The following YWHAE variants were observed in gnomAD, a reference collection of about 807,000 sequenced individuals.
The protein encoded by YWHAE is tyrosine 3-monooxygenase/tryptophan 5-monooxygenase activation protein epsilon.
A neutral mutation model predicts 30.1 loss-of-function variants in YWHAE; 4 were observed. The observed-to-expected ratio is 0.13, with a 90% CI of 0.07 to 0.30. The LOEUF is 0.30. YWHAE is among the 10% of genes least tolerant of loss of function. The probability of loss-of-function intolerance (pLI) is 1.00; values close to 1 mark genes in which losing one functional copy is unlikely to be tolerated. For missense variants in YWHAE, 121 were observed against 315.9 expected, an observed-to-expected ratio of 0.38 and a Z score of 4.68; for synonymous variants, 118 against 111.8, an observed-to-expected ratio of 1.06 and a Z score of -0.35.
At chr17:1,398,573 A>G (rs542084153) in intron 1 of YWHAE, among the ~76,000 whole-genome samples, 41 of 152,218 alleles carry the variant, frequency 2.7e-4, no homozygotes, top group African/African-American at 9.1e-4. Flanking sequence ...TTTAATTAGG[A>G]AAAAAATCTA....
intron 4 of YWHAE, among the ~76,000 whole-genome samples, chr17:1,357,196 G>T (rs2072762714): frequency 1.3e-5 from 2 of 152,132 alleles, no homozygotes; most frequent in Admixed American, 6.5e-5. Context: ...GAGGTCAGGA[G>T]ATCGAGACCA....
intron 1 of YWHAE, among the ~76,000 whole-genome samples, chr17:1,396,814 G>GT (rs1312006070): frequency 6.6e-6 from 1 of 151,970 alleles, no homozygotes; most frequent in Non-Finnish European, 1.5e-5. Flanking sequence ...TACAGACGGG[G>GT]TTTCTCCATG....
chr17:1,345,866 A>C (rs1818802616), intron 5 of YWHAE, among the ~76,000 whole-genome samples: 1 of 152,236 alleles, frequency 6.6e-6, no homozygotes, highest in African/African-American at 2.4e-5. Flanking sequence ...CTCTTCAAGA[A>C]TCAAGAGTAT....
chr17:1,362,010 TAAAA>T lies in YWHAE; in HGVS notation c.265-6_265-3del. On this transcript the variant is annotated splice_polypyrimidine_tract_variant and splice_region_variant and intron_variant, in intron 2 of 5. Transcript: ENST00000264335. Reference sequence around the variant, plus strand: ...GATTAACTTTAGCTCAGTCTCAACCTAAAAAAAAAAAAATTTTTTTTAAATCAGA... The same window carrying T: ...GATTAACTTTAGCTCAGTCTCAACCTAAAAAAAAATTTTTTTTAAATCAGA... The T allele has an allele frequency of 1.7e-6, 2 of 1,184,786 alleles. No homozygotes were observed. The highest frequency in any genetic ancestry group is 2.3e-6 in the Non-Finnish European group (2 of 872,352). 73.4% of individuals were successfully genotyped at this position (1,184,786 alleles called of 1,614,324 possible). A position where few individuals can be genotyped will look rare whatever the true frequency, so the allele number is the denominator to read the frequency against.
intron 1 of YWHAE, among the ~76,000 whole-genome samples, chr17:1,397,892 G>T (rs1207446433): frequency 1.3e-5 from 2 of 152,092 alleles, no homozygotes; most frequent in Non-Finnish European, 2.9e-5. Context: ...TTTAGATCCT[G>T]AAGGGGACAC....
At chr17:1,387,631 G>A (rs775322837) in intron 1 of YWHAE, among the ~76,000 whole-genome samples, 9 of 151,996 alleles carry the variant, frequency 5.9e-5, no homozygotes, top group Admixed American at 2.6e-4. Flanking sequence ...CGGGGGTGGG[G>A]GCAGTAGGCG....
At chr17:1,394,896 G>A (rs972175466) in intron 1 of YWHAE, among the ~76,000 whole-genome samples, 3 of 151,698 alleles carry the variant, frequency 2.0e-5, no homozygotes, top group Non-Finnish European at 2.9e-5. Context: ...GAACCCAGGG[G>A]GCAGAGGCTG....
In YWHAE at chr17:1,380,443, C is replaced by CAA. The variant is rs930868861; in HGVS notation, c.65-15387_65-15386dup. On this transcript the variant is annotated intron_variant, in intron 1 of 5. Coordinates refer to ENST00000264335, the MANE Select transcript of YWHAE (RefSeq NM_006761.5). ...TGCTTATTCATATGCTATTTGACCT[C>CAA]AAGTATGCCACATAATCTCTAGGAG... is the stretch of plus-strand genomic sequence containing the variant. Among the ~76,000 whole-genome samples, 7 of 152,088 alleles carry CAA rather than the reference C, an allele frequency of 4.6e-5. No individual in the cohort carries two copies. In the East Asian group the frequency reaches 7.7e-4, roughly 17 times the overall value.
At chr17:1,376,121 G>A (rs1169366904) in intron 1 of YWHAE, among the ~76,000 whole-genome samples, 4 of 152,222 alleles carry the variant, frequency 2.6e-5, no homozygotes, top group Non-Finnish European at 4.4e-5. Flanking sequence ...CAGGGAATCT[G>A]ACTTGAGTTG....
At chr17:1,378,606 G>A (rs756614455) in intron 1 of YWHAE, among the ~76,000 whole-genome samples, 16 of 152,220 alleles carry the variant, frequency 1.1e-4, no homozygotes, top group Non-Finnish European at 7.3e-5. Context: ...TAAAAAGCCT[G>A]ACTCAGACCA....
At chr17:1,372,712 G>T (rs561930297) in intron 1 of YWHAE, among the ~76,000 whole-genome samples, 1 of 152,184 alleles carries the variant, frequency 6.6e-6, no homozygotes, top group African/African-American at 2.4e-5. Context: ...CAATACTTTG[G>T]GAGGCCGAAG....
intron 1 of YWHAE, among the ~76,000 whole-genome samples, chr17:1,374,857 T>C (rs144442661): frequency 1.8e-4 from 27 of 152,254 alleles, no homozygotes; most frequent in South Asian, 4.1e-4. Flanking sequence ...CCCCTCTGCA[T>C]CCCTTAAGGT....
intron 1 of YWHAE, chr17:1,399,630 T>G: frequency 1.2e-5 from 3 of 252,602 alleles, no homozygotes; most frequent in East Asian, 1.1e-4. Flanking sequence ...CTCTCTCCCA[T>G]GTGGCGGGTG....
At chr17:1,370,423 G>A (rs913314512) in intron 1 of YWHAE, among the ~76,000 whole-genome samples, 17 of 151,480 alleles carry the variant, frequency 1.1e-4, no homozygotes, top group East Asian at 2.0e-4. Context: ...GAGCCACCGC[G>A]ACTGGCCAGA....
At chr17:1,388,094 A>C (rs2073328281) in intron 1 of YWHAE, among the ~76,000 whole-genome samples, 1 of 92,176 alleles carries the variant, frequency 1.1e-5, no homozygotes, top group Non-Finnish European at 2.1e-5. Context: ...ACGCCTGGGT[A>C]ATTTTTGTTT....
chr17:1,376,343 G>C (rs1413259842), intron 1 of YWHAE, among the ~76,000 whole-genome samples: 2 of 151,550 alleles, frequency 1.3e-5, no homozygotes, highest in East Asian at 3.9e-4. Context: ...CAGAAAGACA[G>C]ACAGAAAGAC....
At chr17:1,373,565 G>A (rs560685695) in intron 1 of YWHAE, among the ~76,000 whole-genome samples, 1 of 151,670 alleles carries the variant, frequency 6.6e-6, no homozygotes, top group East Asian at 2.0e-4. Flanking sequence ...CTACTCGGGA[G>A]GCTGAGGCAG....
At chr17:1,359,898 G>A (rs887646907) in intron 4 of YWHAE, among the ~76,000 whole-genome samples, 5 of 126,724 alleles carry the variant, frequency 3.9e-5, no homozygotes, top group Admixed American at 1.6e-4. Flanking sequence ...AGAGGGAGAC[G>A]GGGAGAGAGA....
intron 2 of YWHAE, 24 bp from the exon 3 acceptor site, chr17:1,362,032 A>C (rs377495967): frequency 1.4e-6 from 2 of 1,381,096 alleles, no homozygotes; most frequent in Non-Finnish European, 2.0e-6. Context: ...AATTTTTTTT[A>C]AATCAGATTA....
Sources: allele counts gnomAD v4.1 joint callset (sites outside exome capture counted in the v4.1 genomes callset), GRCh38; gene constraint gnomAD v4.1.1; transcripts MANE v1.5; gene names NCBI Gene and HGNC (gene_info 2026-07-23, HGNC 2026-07-21).